Variants in LYRM4 observed in about 807,000 individuals in gnomAD.
LYRM4 encodes LYR motif containing 4.
In LYRM4, 9 loss-of-function variants were observed where a neutral mutation model predicts 11.7. The ratio of observed to expected loss-of-function variants is 0.77; its 90% CI spans 0.46 to 1.34. LYRM4 has a LOEUF of 1.34. Ranked by LOEUF, LYRM4 falls within the 40% of genes most tolerant of loss-of-function variation. The pLI, the probability that LYRM4 is intolerant of heterozygous loss-of-function variation, is 0.00. For missense variants in LYRM4, 133 were observed against 112.5 expected (o/e 1.18, Z -0.82); for synonymous variants, 42 against 40.4 (o/e 1.04, Z -0.15).
the LYRM4 span, among the ~76,000 whole-genome samples, chr6:5,069,923 G>A: frequency 6.6e-3 from 1,005 of 152,366 alleles, 17 homozygotes; most frequent in African/African-American, 0.023. Flanking sequence ...CACACAGCCA[G>A]CATGCAATAA....
At chr6:5,217,383 A>G (rs1762335172) in intron 1 of LYRM4, among the ~76,000 whole-genome samples, 1 of 152,090 alleles carries the variant, frequency 6.6e-6, no homozygotes, top group African/African-American at 2.4e-5. Flanking sequence ...CAGACAGCTC[A>G]CTTGCAGTAC....
chr6:5,094,048 G>A, the LYRM4 span, among the ~76,000 whole-genome samples: 29 of 152,348 alleles, frequency 1.9e-4, no homozygotes, highest in Non-Finnish European at 3.7e-4. Flanking sequence ...AGATAGGGCT[G>A]AGTGCTCCTT....
chr6:5,049,855 A>T, the LYRM4 span, among the ~76,000 whole-genome samples: 1 of 152,176 alleles, frequency 6.6e-6, no homozygotes, highest in Non-Finnish European at 1.5e-5. Context: ...TTTTTAGTAG[A>T]GACGGGGTTT....
the LYRM4 span, chr6:5,086,557 C>G: frequency 3.8e-5 from 58 of 1,520,078 alleles, no homozygotes; most frequent in Non-Finnish European, 4.9e-5. Flanking sequence ...TGCGGACGCG[C>G]TCTGAGCCTG....
At chr6:5,104,612 T>C (rs1479872162), downstream of LYRM4, 2 of 152,180 alleles carry the variant, frequency 1.3e-5, no homozygotes, top group African/African-American at 4.8e-5. Flanking sequence ...GGATAAACAA[T>C]TTCCTGGGAA....
At chr6:5,075,918 C>A in the LYRM4 span, among the ~76,000 whole-genome samples, 24 of 151,690 alleles carry the variant, frequency 1.6e-4, no homozygotes, top group Admixed American at 6.6e-5. Flanking sequence ...CTCAGAGGCA[C>A]CCCCTGCTAA....
chr6:5,098,996 C>T (rs912654709), downstream of LYRM4, among the ~76,000 whole-genome samples: 5 of 152,142 alleles, frequency 3.3e-5, no homozygotes, highest in Non-Finnish European at 5.9e-5. Flanking sequence ...CAGTGCTGCT[C>T]ACAGTGACCC....
chr6:5,054,101 A>G, the LYRM4 span: 5 of 985,018 alleles, frequency 5.1e-6, no homozygotes, highest in African/African-American at 7.0e-5. Context: ...CTAACGCCAG[A>G]TGCCTCTGTC....
chr6:5,234,642 A>G (rs920416558), intron 1 of LYRM4, among the ~76,000 whole-genome samples: 1 of 152,194 alleles, frequency 6.6e-6, no homozygotes, highest in African/African-American at 2.4e-5. Context: ...TAGAATTCAA[A>G]ACCCAAGGTT....
chr6:5,181,667 C>T (rs181995600), intron 2 of LYRM4, among the ~76,000 whole-genome samples: 1 of 152,164 alleles, frequency 6.6e-6, no homozygotes, highest in African/African-American at 2.4e-5. Context: ...ACGGGCCATG[C>T]TCAACTGGCC....
chr6:5,056,943 T>C, the LYRM4 span, among the ~76,000 whole-genome samples: 1 of 152,122 alleles, frequency 6.6e-6, no homozygotes, highest in Non-Finnish European at 1.5e-5. Context: ...ACGTCATACA[T>C]TGGTAGTAGA....
chr6:5,055,540 T>C, the LYRM4 span, among the ~76,000 whole-genome samples: 1 of 152,178 alleles, frequency 6.6e-6, no homozygotes, highest in African/African-American at 2.4e-5. This position sits in a 1 kb window ranked among gnomAD's most constrained non-coding sequence, Gnocchi z 4.5. Context: ...GACACGTTCC[T>C]CAAGATTAGG....
chr6:5,178,865 A>G (rs1759887657), intron 2 of LYRM4, among the ~76,000 whole-genome samples: 1 of 150,516 alleles, frequency 6.6e-6, no homozygotes, highest in Non-Finnish European at 1.5e-5. Context: ...CACTGCTACA[A>G]AGCGTTGAAA....
chr6:5,050,028 T>C, the LYRM4 span, among the ~76,000 whole-genome samples: 1 of 152,236 alleles, frequency 6.6e-6, no homozygotes, highest in African/African-American at 2.4e-5. Context: ...GACATCCAAA[T>C]CCTGCACTAA....
chr6:5,145,841 C>A (rs543834777), intron 2 of LYRM4, among the ~76,000 whole-genome samples: 1 of 152,160 alleles, frequency 6.6e-6, no homozygotes, highest in Non-Finnish European at 1.5e-5. Context: ...AGCCCGCAAA[C>A]CAGCATATTC....
At chr6:5,032,780 G>A in the LYRM4 span, 1 of 152,192 alleles carries the variant, frequency 6.6e-6, no homozygotes. Flanking sequence ...TAGACTAGAA[G>A]ATCTCTCGGG....
In LYRM4 at chr6:5,125,939, T is replaced by C. The variant is rs1256520403; in HGVS notation, c.208-16448A>G. Among the ~76,000 whole-genome samples the C allele has an allele frequency of 2.0e-5, 3 of 152,230 alleles. No individual in the cohort carries two copies. In the East Asian group the frequency reaches 5.8e-4, roughly 29 times the overall value. On this transcript the variant is annotated intron_variant, in intron 2 of 2. Coordinates refer to ENST00000330636, the MANE Select transcript of LYRM4 (RefSeq NM_020408.6). ...CATCAAGACAAAGGGACACTGACTC[T>C]GGGTCTAACCCTGAGGACACTGCCC...
At chr6:5,070,469 T>C in the LYRM4 span, among the ~76,000 whole-genome samples, 2 of 152,242 alleles carry the variant, frequency 1.3e-5, no homozygotes, top group Admixed American at 1.3e-4. Context: ...TATCTTATGT[T>C]TTCTAATTTT....
chr6:5,212,470 C>T (rs1273859995), intron 2 of LYRM4, among the ~76,000 whole-genome samples: 1 of 152,166 alleles, frequency 6.6e-6, no homozygotes, highest in South Asian at 2.1e-4. Flanking sequence ...CCCAAGCCTA[C>T]AAACCACCCA....
Sources: gnomAD v4.1 joint callset for allele counts (sites outside exome capture counted in the v4.1 genomes callset) on GRCh38, gnomAD v4.1.1 for gene constraint, Gnocchi (gnomAD v3.1) non-coding constraint, MANE v1.5 for transcripts, NCBI Gene and HGNC (gene_info 2026-07-23, HGNC 2026-07-21) for gene names.